NDST4: variants seen among roughly 807,000 people sequenced by gnomAD.
The protein encoded by NDST4 is N-heparan sulfate sulfotransferase 4.
NDST4 carries 63 observed loss-of-function variants against 100.8 expected under a neutral mutation model. The ratio of observed to expected loss-of-function variants is 0.62; its 90% CI spans 0.51 to 0.77. NDST4 has a LOEUF of 0.77. Ranked by LOEUF, NDST4 falls within the 30% of genes least tolerant of loss-of-function variation. The pLI, the probability that NDST4 is intolerant of heterozygous loss-of-function variation, is 0.00. For missense variants in NDST4, 943 were observed against 1,018.4 expected (o/e 0.93, Z 1.01); for synonymous variants, 377 against 361.8 (o/e 1.04, Z -0.48).
chr4:114,909,510 A>G (rs981565435), intron 6 of NDST4, among the ~76,000 whole-genome samples: 9 of 150,716 alleles, frequency 6.0e-5, no homozygotes, highest in Admixed American at 1.3e-4. Flanking sequence ...AATACAAAAA[A>G]TTAGCCGGGC....
chr4:114,962,080 G>A (rs1254902057), intron 4 of NDST4, among the ~76,000 whole-genome samples: 1 of 151,882 alleles, frequency 6.6e-6, no homozygotes, highest in Non-Finnish European at 1.5e-5. Flanking sequence ...GAATAAAGGA[G>A]GAAAAAGTAT....
intron 2 of NDST4, among the ~76,000 whole-genome samples, chr4:115,040,127 A>C (rs1254558026): frequency 1.3e-5 from 2 of 151,688 alleles, no homozygotes; most frequent in Non-Finnish European, 2.9e-5. Context: ...TAAAAACTAG[A>C]CTTCTTTGAA....
chr4:114,858,533 A>T (rs1298398287), intron 7 of NDST4, among the ~76,000 whole-genome samples: 1 of 152,202 alleles, frequency 6.6e-6, no homozygotes, highest in Non-Finnish European at 1.5e-5. Context: ...GATACAGTTG[A>T]GGTACCAGCT....
At chr4:114,864,831 G>A (rs1723991532) in intron 7 of NDST4, among the ~76,000 whole-genome samples, 1 of 152,146 alleles carries the variant, frequency 6.6e-6, no homozygotes, top group African/African-American at 2.4e-5. Flanking sequence ...CTGGGGGTAG[G>A]ACTGGATGGA....
intron 1 of NDST4, among the ~76,000 whole-genome samples, chr4:115,082,548 C>A (rs1000735305): frequency 1.3e-5 from 2 of 152,096 alleles, no homozygotes; most frequent in African/African-American, 2.4e-5. Context: ...GTACAGATCA[C>A]TAAAGAGGCT....
At chr4:114,919,545 T>C (rs1215351760) in intron 6 of NDST4, among the ~76,000 whole-genome samples, 1 of 152,100 alleles carries the variant, frequency 6.6e-6, no homozygotes. Context: ...AAAACCTATA[T>C]GGAAAGAAGG....
At chr4:114,896,795 T>C (rs1724724632) in intron 6 of NDST4, among the ~76,000 whole-genome samples, 2 of 152,206 alleles carry the variant, frequency 1.3e-5, no homozygotes, top group African/African-American at 4.8e-5. Flanking sequence ...ATCACTATAC[T>C]TGTTTTTTTC....
At chr4:114,945,269 A>G (rs1725837692) in intron 4 of NDST4, among the ~76,000 whole-genome samples, 1 of 151,952 alleles carries the variant, frequency 6.6e-6, no homozygotes, top group African/African-American at 2.4e-5. Context: ...GCTCATAAAC[A>G]TACAGGAGTC....
At chr4:115,042,708 C>A (rs561206768) in intron 2 of NDST4, among the ~76,000 whole-genome samples, 5 of 151,966 alleles carry the variant, frequency 3.3e-5, no homozygotes, top group Admixed American at 6.6e-5. Flanking sequence ...TATCCCCTGG[C>A]GGTGAGGGGA....
At chr4:114,856,911 A>T (rs1412949835) in intron 7 of NDST4, among the ~76,000 whole-genome samples, 1 of 152,212 alleles carries the variant, frequency 6.6e-6, no homozygotes, top group Non-Finnish European at 1.5e-5. Context: ...TGTAAGTTGT[A>T]CATTGCAACT....
intron 2 of NDST4, among the ~76,000 whole-genome samples, chr4:115,028,074 A>G (rs961354902): frequency 3.3e-5 from 5 of 151,940 alleles, no homozygotes; most frequent in Non-Finnish European, 5.9e-5. Flanking sequence ...AAAAAAAAGA[A>G]TGATCCTGAG....
intron 4 of NDST4, among the ~76,000 whole-genome samples, chr4:114,964,396 A>G (rs7689327): frequency 0.012 from 1,819 of 152,260 alleles, 39 homozygotes; most frequent in African/African-American, 0.04. Flanking sequence ...TGACTTCATA[A>G]ACTGTTAAAT....
chr4:114,854,200 T>A (rs1273845182), intron 7 of NDST4, among the ~76,000 whole-genome samples: 1 of 152,208 alleles, frequency 6.6e-6, no homozygotes, highest in Non-Finnish European at 1.5e-5. Context: ...AATTTTAAGT[T>A]CTCACAAATG....
intron 2 of NDST4, among the ~76,000 whole-genome samples, chr4:114,995,495 T>C (rs1727139110): frequency 6.6e-6 from 1 of 152,036 alleles, no homozygotes; most frequent in Non-Finnish European, 1.5e-5. Context: ...TGAAAGGTAA[T>C]GTTAATTTGA....
chr4:114,854,326 A>T (rs1723743972), intron 7 of NDST4, among the ~76,000 whole-genome samples: 1 of 152,330 alleles, frequency 6.6e-6, no homozygotes, highest in Admixed American at 6.5e-5. Context: ...TTCATGGCTG[A>T]ATAGTACTTC....
At position 115,009,214 on chromosome 4, in the gene NDST4, T is replaced by C. The variant is rs1221244536; in HGVS notation, c.979-31940A>G. ...AAGTTCATATGGAACCAAAAAAGAG[T>C]CCGCATCACCAAGTCAATCCTAAGC... On this transcript the variant is annotated intron_variant, in intron 2 of 13. Coordinates refer to ENST00000264363, the MANE Select transcript of NDST4 (RefSeq NM_022569.3). 3.2e-5 allele frequency among the ~76,000 whole-genome samples: 4 copies of C among 126,544 alleles called. 1 individual carries two copies. The highest frequency in any genetic ancestry group is 5.1e-5 in the Non-Finnish European group (3 of 59,378). The allele number at this position is 126,544 out of a possible 152,430, so 83.0% of individuals were successfully genotyped here.
At chr4:114,945,833 G>GT (rs1278459493) in intron 4 of NDST4, among the ~76,000 whole-genome samples, 1 of 152,140 alleles carries the variant, frequency 6.6e-6, no homozygotes, top group Non-Finnish European at 1.5e-5. Flanking sequence ...GTCTTCTTCT[G>GT]TTTTCATAAG....
intron 1 of NDST4, among the ~76,000 whole-genome samples, chr4:115,079,468 AT>A: frequency 6.6e-6 from 1 of 152,074 alleles, no homozygotes; most frequent in Non-Finnish European, 1.5e-5. Flanking sequence ...ACTTCAATGA[AT>A]TACTTTCTAT....
intron 2 of NDST4, among the ~76,000 whole-genome samples, chr4:114,999,676 C>T (rs888065379): frequency 6.6e-6 from 1 of 152,058 alleles, no homozygotes; most frequent in African/African-American, 2.4e-5. Flanking sequence ...TTCAGAGTAG[C>T]ATTCCTTCCT....
Sources: allele counts gnomAD v4.1 joint callset (sites outside exome capture counted in the v4.1 genomes callset), GRCh38; gene constraint gnomAD v4.1.1; transcripts MANE v1.5; gene names NCBI Gene and HGNC (gene_info 2026-07-23, HGNC 2026-07-21).